MAP4K5: variants seen among roughly 807,000 people sequenced by gnomAD.
The protein encoded by MAP4K5 is MAPK/ERK kinase kinase kinase 5.
In MAP4K5, 82 loss-of-function variants were observed where a neutral mutation model predicts 135.6. The ratio of observed to expected loss-of-function variants is 0.60; its 90% confidence interval spans 0.51 to 0.73. The LOEUF (loss-of-function observed/expected upper bound fraction) is 0.73. MAP4K5 is among the 30% of genes least tolerant of loss of function. The probability of loss-of-function intolerance (pLI) is 0.00; values close to 1 mark genes in which losing one functional copy is unlikely to be tolerated. For missense variants in MAP4K5, 907 were observed against 1,010.9 expected, an observed-to-expected ratio of 0.90 and a Z score of 1.39; for synonymous variants, 347 against 335.0, an observed-to-expected ratio of 1.04 and a Z score of -0.39.
intron 1 of MAP4K5, among the ~76,000 whole-genome samples, chr14:50,551,980 C>G (rs568810078): frequency 2.0e-5 from 3 of 152,312 alleles, no homozygotes; most frequent in Non-Finnish European, 2.9e-5. Context: ...TTCACCACTT[C>G]TACTCAACAT....
intron 2 of MAP4K5, among the ~76,000 whole-genome samples, chr14:50,524,195 G>C (rs1467599116): frequency 6.6e-6 from 1 of 152,192 alleles, no homozygotes; most frequent in Non-Finnish European, 1.5e-5. Context: ...TAATCACTCA[G>C]TCTTGATGAA....
intron 2 of MAP4K5, among the ~76,000 whole-genome samples, chr14:50,512,397 G>C (rs2140052198): frequency 6.6e-6 from 1 of 152,110 alleles, no homozygotes; most frequent in Middle Eastern, 3.4e-3. Flanking sequence ...GATCATTGGA[G>C]GATTTGAACA....
At chr14:50,476,519 G>C (rs961750766) in intron 6 of MAP4K5, among the ~76,000 whole-genome samples, 1 of 152,178 alleles carries the variant, frequency 6.6e-6, no homozygotes, top group African/African-American at 2.4e-5. Context: ...GAGTGCAGTG[G>C]CAGTGATTTT....
chr14:50,560,970 C>T (rs1439171117), intron 1 of MAP4K5: 2 of 153,212 alleles, frequency 1.3e-5, no homozygotes, highest in Non-Finnish European at 2.9e-5. Flanking sequence ...GGTTTCCAGC[C>T]TTCTGCCCCA....
chr14:50,503,318 T>C (rs2037745519), intron 3 of MAP4K5, among the ~76,000 whole-genome samples: 1 of 152,096 alleles, frequency 6.6e-6, no homozygotes, highest in Admixed American at 6.6e-5. Context: ...ACTTCCATGT[T>C]ATTCTTTTTT....
intron 2 of MAP4K5, among the ~76,000 whole-genome samples, chr14:50,515,741 A>T (rs966478006): frequency 1.3e-5 from 2 of 152,066 alleles, no homozygotes; most frequent in African/African-American, 4.8e-5. Context: ...ACTTTCAATG[A>T]TCCCTCAGCC....
chr14:50,489,593 T>C (rs2037437684), intron 3 of MAP4K5, among the ~76,000 whole-genome samples: 1 of 152,216 alleles, frequency 6.6e-6, no homozygotes, highest in Non-Finnish European at 1.5e-5. Flanking sequence ...TGACACTTTA[T>C]TCTAAAGGAT....
intron 2 of MAP4K5, among the ~76,000 whole-genome samples, chr14:50,522,362 A>C (rs1166870051): frequency 6.6e-6 from 1 of 152,154 alleles, no homozygotes; most frequent in African/African-American, 2.4e-5. Context: ...TTTTCATAAC[A>C]TGTATTTTGC....
At chr14:50,429,122 T>C (rs1211664745) in intron 29 of MAP4K5, 70 bp downstream of exon 29, 5 of 845,214 alleles carry the variant, frequency 5.9e-6, no homozygotes, top group African/African-American at 3.6e-5. Flanking sequence ...TCTTGAATTA[T>C]GGTTTAACAG....
At position 50,446,105 on chromosome 14, in the gene MAP4K5, C is replaced by T; in HGVS notation, c.1159G>A (p.Ala387Thr). ...ANTGKSTSKR[A>T]IPPPLPPKPR... ...TTAGGAGGTAGGGGAGGTGGTATTG[C>T]ACGTTTTGAGGTTGATCTAATACAA... The change falls in exon 17 of 33, where the codon GCA (alanine) becomes ACA (threonine). Residue 387 changes from alanine to threonine, a missense_variant. Physicochemically the swap from Ala to Thr is moderately conservative, Grantham distance 58. Transcript: ENST00000682126. 6.4e-7 allele frequency: 1 copy of T among 1,573,392 alleles called. No homozygotes were observed. The highest frequency in any genetic ancestry group is 1.2e-5 in the South Asian group (1 of 83,464).
chr14:50,543,716 C>G (rs1362381474), intron 1 of MAP4K5, among the ~76,000 whole-genome samples: 1 of 152,142 alleles, frequency 6.6e-6, no homozygotes, highest in African/African-American at 2.4e-5. Flanking sequence ...GTCATCTACT[C>G]AATATTCAGA....
chr14:50,456,898 G>T (rs2036604751), intron 13 of MAP4K5, among the ~76,000 whole-genome samples: 1 of 152,132 alleles, frequency 6.6e-6, no homozygotes, highest in South Asian at 2.1e-4. Context: ...TTCATTAACA[G>T]GATAAATGGA....
chr14:50,516,532 A>C (rs79442235), intron 2 of MAP4K5, among the ~76,000 whole-genome samples: 1 of 152,208 alleles, frequency 6.6e-6, no homozygotes, highest in African/African-American at 2.4e-5. Flanking sequence ...AGAATCCTAA[A>C]AAATTAGCCA....
At chr14:50,470,860 C>T (rs767306144) in intron 9 of MAP4K5, among the ~76,000 whole-genome samples, 38 of 151,988 alleles carry the variant, frequency 2.5e-4, no homozygotes, top group Admixed American at 5.2e-4. Flanking sequence ...TGTGATAAAG[C>T]TTATCATATA....
chr14:50,521,833 C>G (rs895771826), intron 2 of MAP4K5, among the ~76,000 whole-genome samples: 1 of 152,152 alleles, frequency 6.6e-6, no homozygotes, highest in African/African-American at 2.4e-5. Context: ...GTCATCTACC[C>G]TCTCAAACTT....
chr14:50,537,653 A>T (rs929477055), intron 2 of MAP4K5, among the ~76,000 whole-genome samples: 1 of 152,236 alleles, frequency 6.6e-6, no homozygotes, highest in Non-Finnish European at 1.5e-5. Context: ...GACCATGGGA[A>T]CCAACCTCTT....
chr14:50,470,248 T>C (rs1009945203), intron 9 of MAP4K5, among the ~76,000 whole-genome samples: 1 of 152,118 alleles, frequency 6.6e-6, no homozygotes. Context: ...GCCATAGGTA[T>C]AGAAAGGTAG....
At chr14:50,559,935 G>C (rs751178417) in intron 1 of MAP4K5, 12 of 413,570 alleles carry the variant, frequency 2.9e-5, no homozygotes, top group South Asian at 2.5e-4. Context: ...GTGTTCGAGG[G>C]GGGTGCTGTT....
At chr14:50,518,318 A>G (rs567628875) in intron 2 of MAP4K5, among the ~76,000 whole-genome samples, 49 of 152,074 alleles carry the variant, frequency 3.2e-4, no homozygotes, top group Non-Finnish European at 2.6e-4. Flanking sequence ...AAGAATGTGC[A>G]GGTTTGTTAC....
Sources: allele counts gnomAD v4.1 joint callset (sites outside exome capture counted in the v4.1 genomes callset), GRCh38; gene constraint gnomAD v4.1.1; transcripts MANE v1.5; gene names NCBI Gene and HGNC (gene_info 2026-07-23, HGNC 2026-07-21).